CRPPA: variants seen among roughly 807,000 people sequenced by gnomAD.
The protein encoded by CRPPA is CDP-L-ribitol pyrophosphorylase A, also known as D-ribitol-5-phosphate cytidylyltransferase.
CRPPA carries 43 observed loss-of-function variants against 52.0 expected under a neutral mutation model. The observed-to-expected ratio is 0.83, with a 90% CI of 0.65 to 1.07. The LOEUF (loss-of-function observed/expected upper bound fraction) is 1.07. Ranked by LOEUF, CRPPA falls within the 50% of genes least tolerant of loss-of-function variation. The pLI is 0.00. For synonymous variants in CRPPA, 250 were observed against 203.5 expected (o/e 1.23, Z -1.94); for missense variants, 629 against 551.7 (o/e 1.14, Z -1.40).
At chr7:16,153,715 T>C (rs894805693) in intron 9 of CRPPA, among the ~76,000 whole-genome samples, 5 of 152,124 alleles carry the variant, frequency 3.3e-5, no homozygotes, top group African/African-American at 1.2e-4. Context: ...AATAATCTCA[T>C]GTCACTGATA....
intron 3 of CRPPA, among the ~76,000 whole-genome samples, chr7:16,359,096 G>A (rs1786377846): frequency 6.6e-6 from 1 of 152,154 alleles, no homozygotes; most frequent in Non-Finnish European, 1.5e-5. Flanking sequence ...TTTAATATTA[G>A]TAGTTAATAA....
chr7:16,209,261 G>A lies in CRPPA; in HGVS notation c.1251+6805C>T, dbSNP rs373075852. The A allele has an allele frequency of 2.9e-5, 5 of 172,016 alleles. No individual in the cohort carries two copies. The East Asian group carries it at 4.3e-4, about 15-fold the overall frequency. The allele number at this position is 172,016 out of a possible 1,614,324, so 10.7% of individuals were successfully genotyped here. On this transcript the variant is annotated intron_variant, in intron 9 of 9. Transcript: ENST00000407010. The stretch of plus-strand genomic sequence containing the variant: ...AAGAAGAGACACGGCCAAGTAATAC[G>A]GTTCTAAGTGTCTTTTTTTTTTTTT...
At chr7:16,396,699 T>C (rs751108191) in intron 2 of CRPPA, among the ~76,000 whole-genome samples, 2 of 152,046 alleles carry the variant, frequency 1.3e-5, no homozygotes, top group East Asian at 1.9e-4. Context: ...AATGAGTAGA[T>C]AGAGAAAATT....
intron 5 of CRPPA, among the ~76,000 whole-genome samples, chr7:16,300,606 G>A (rs932786532): frequency 6.6e-6 from 1 of 152,150 alleles, no homozygotes; most frequent in Non-Finnish European, 1.5e-5. Flanking sequence ...CAGGGGAAGG[G>A]GAGTGAGGGA....
chr7:16,168,961 C>T lies in CRPPA; in HGVS notation c.1251+47105G>A, dbSNP rs373877662. ...GGGGCTTCTCAAAATCACAACCCTA[C>T]ACTCTTAAGGAATTGTAGTCAATGT... On this transcript the variant is annotated intron_variant, in intron 9 of 9. Coordinates refer to ENST00000407010, the MANE Select transcript of CRPPA (RefSeq NM_001101426.4). Among the ~76,000 whole-genome samples, 82 of 152,260 alleles carry T rather than the reference C, an allele frequency of 5.4e-4. 1 individual carries two copies. The highest frequency in any genetic ancestry group is 1.9e-3 in the African/African-American group (77 of 41,566).
chr7:16,124,736 AT>A (rs1740631888), intron 9 of CRPPA, among the ~76,000 whole-genome samples: 1 of 152,208 alleles, frequency 6.6e-6, no homozygotes, highest in African/African-American at 2.4e-5. Context: ...ACACAAAAAA[AT>A]GATACATGTT....
At chr7:16,150,356 A>T (rs571433340) in intron 9 of CRPPA, among the ~76,000 whole-genome samples, 2 of 152,336 alleles carry the variant, frequency 1.3e-5, no homozygotes. Flanking sequence ...CTAATTAAGA[A>T]GAATAGATAT....
At chr7:16,158,042 T>A (rs1020560809) in intron 9 of CRPPA, among the ~76,000 whole-genome samples, 7 of 135,826 alleles carry the variant, frequency 5.2e-5, no homozygotes, top group Non-Finnish European at 9.5e-5. Context: ...GCCCAGCTAA[T>A]TTTTTTTTTT....
chr7:16,332,655 TGAGA>T (rs1402220214), intron 3 of CRPPA, among the ~76,000 whole-genome samples: 4 of 151,994 alleles, frequency 2.6e-5, no homozygotes, highest in African/African-American at 9.6e-5. Flanking sequence ...AAGCTATTAC[TGAGA>T]GAGAAAGAAG....
At chr7:16,175,912 A>G (rs1410215321) in intron 9 of CRPPA, among the ~76,000 whole-genome samples, 1 of 152,156 alleles carries the variant, frequency 6.6e-6, no homozygotes, top group Admixed American at 6.6e-5. Context: ...TATTGATGAC[A>G]TTACTAAGCA....
intron 9 of CRPPA, among the ~76,000 whole-genome samples, chr7:16,099,769 T>A (rs1782006196): frequency 1.3e-5 from 2 of 152,192 alleles, no homozygotes; most frequent in Admixed American, 6.5e-5. Context: ...TTTATTTTCT[T>A]AAATCAATCA....
intron 9 of CRPPA, among the ~76,000 whole-genome samples, chr7:16,102,683 C>T (rs1236014076): frequency 6.6e-6 from 1 of 152,056 alleles, no homozygotes; most frequent in African/African-American, 2.4e-5. Context: ...AAGACATTTA[C>T]GTGACCAACA....
rs973873201 is a variant in CRPPA at position 16,186,511 on chromosome 7, C to T, written c.1251+29555G>A. 3.9e-5 allele frequency among the ~76,000 whole-genome samples: 6 copies of T among 152,206 alleles called. No individual in the cohort carries two copies. In the South Asian group the frequency reaches 1.2e-3, roughly 32 times the overall value. On this transcript the variant is annotated intron_variant, in intron 9 of 9. Coordinates refer to ENST00000407010, the MANE Select transcript of CRPPA (RefSeq NM_001101426.4). ...TAATTTTCTGCTGTTTATAAGCCAC[C>T]TAATCTATGGAAATTTGTTATAGCA...
chr7:16,344,504 T>C (rs1785955540), intron 3 of CRPPA, among the ~76,000 whole-genome samples: 1 of 150,676 alleles, frequency 6.6e-6, no homozygotes, highest in South Asian at 2.1e-4. Flanking sequence ...AAGGCTACAG[T>C]GAATTATGAT....
intron 4 of CRPPA, among the ~76,000 whole-genome samples, chr7:16,306,586 G>A (rs1274694372): frequency 6.6e-6 from 1 of 152,158 alleles, no homozygotes; most frequent in African/African-American, 2.4e-5. Flanking sequence ...AATAATCACA[G>A]CTCCAAAGAT....
rs560404388 is a variant in CRPPA, at chr7:16,229,932, T to C, written c.1120-13735A>G. Among the ~76,000 whole-genome samples the C allele has an allele frequency of 6.6e-5, 10 of 151,998 alleles. No individual in the cohort carries two copies. In the South Asian group the frequency reaches 1.0e-3, roughly 16 times the overall value. ...ACTATTCTTGGCTGACAGTTTTTTT[T>C]CCCCCTTTTCAGCATTTTAAATATA... is the stretch of plus-strand genomic sequence containing the variant. On this transcript the variant is annotated intron_variant, in intron 8 of 9. Transcript: ENST00000407010.
At chr7:16,098,681 G>A (rs1781979604) in intron 9 of CRPPA, among the ~76,000 whole-genome samples, 1 of 152,100 alleles carries the variant, frequency 6.6e-6, no homozygotes. Context: ...CTTGTTATAA[G>A]ATCATTAATA....
chr7:16,217,109 G>A (rs1387823109), intron 8 of CRPPA, among the ~76,000 whole-genome samples: 6 of 149,776 alleles, frequency 4.0e-5, no homozygotes, highest in Admixed American at 6.7e-5. Flanking sequence ...CGGGCAGACT[G>A]CCTCCTCAAG....
intron 9 of CRPPA, among the ~76,000 whole-genome samples, chr7:16,183,910 G>C (rs1225980389): frequency 2.0e-5 from 3 of 151,922 alleles, no homozygotes; most frequent in Non-Finnish European, 2.9e-5. Context: ...AAATTAAACT[G>C]TTTTTCTTTA....
Sources: allele counts gnomAD v4.1 joint callset (sites outside exome capture counted in the v4.1 genomes callset), GRCh38; gene constraint gnomAD v4.1.1; transcripts MANE v1.5; gene names NCBI Gene and HGNC (gene_info 2026-07-23, HGNC 2026-07-21).